The following TUBB1 variants were observed in gnomAD, a reference collection of about 807,000 sequenced individuals.
TUBB1 encodes tubulin beta-1 chain.
Under a neutral mutation model 22.6 loss-of-function variants are expected in TUBB1, and 28 were observed. The ratio of observed to expected loss-of-function variants is 1.24; its 90% CI spans 0.92 to 1.70. TUBB1 has a LOEUF of 1.70. TUBB1 is among the 40% of genes most tolerant of loss of function. The pLI, the probability that TUBB1 is intolerant of heterozygous loss-of-function variation, is 0.00. For missense variants in TUBB1, 577 were observed against 605.5 expected (o/e 0.95, Z 0.49); for synonymous variants, 226 against 238.0 (o/e 0.95, Z 0.46).
At chr20:59,023,083 G>T in intron 2 of TUBB1, 130 bp downstream of exon 2, 1 of 891,776 alleles carries the variant, frequency 1.1e-6, no homozygotes. Context: ...AGGCAGGGCA[G>T]CAGGATCCTA....
Position 59,024,853 on chromosome 20 carries a change from G to GCA in TUBB1, c.*72_*73dup. 1 of 1,450,186 alleles carries GCA rather than the reference G, an allele frequency of 6.9e-7. No homozygotes were observed. Among genetic ancestry groups the GCA allele is most frequent in the Admixed American group, 1.7e-5 (1 of 59,024 alleles). The allele number at this position is 1,450,186 out of a possible 1,614,324, so 89.8% of individuals were successfully genotyped here. A position where few individuals can be genotyped will look rare whatever the true frequency, so the allele number is the denominator to read the frequency against. On this transcript the variant is annotated 3_prime_UTR_variant, in exon 4 of 4. Coordinates refer to ENST00000217133, the MANE Select transcript of TUBB1 (RefSeq NM_030773.4). The surrounding 1 kb of genome is among the most constrained non-coding windows in gnomAD (Gnocchi z 4.9). Reference sequence around the variant, plus strand: ...TCATTAGATGAGTGTTTCTCCTGCAGCACTCCAAAACCCACTCTGCACTGC... The same window carrying GCA: ...TCATTAGATGAGTGTTTCTCCTGCAGCACACTCCAAAACCCACTCTGCACTGC...
At position 59,023,544 on chromosome 20, in the gene TUBB1, A is replaced by G; in HGVS notation, c.221A>G (p.Asp74Gly). 1.9e-6 allele frequency: 3 copies of G among 1,614,200 alleles called. No homozygotes were observed. The highest frequency in any genetic ancestry group is 2.2e-5 in the South Asian group (2 of 91,084). ...VLVDLEPGTM[D>G]SIRSSKLGAL... ...GTGGACCTAGAACCTGGGACGATGG[A>G]CAGCATTCGATCTAGCAAATTAGGA... The change falls in exon 3 of 4, where the codon GAC becomes GGC. Residue 74 changes from aspartate to glycine, a missense_variant. Asp to Gly is a moderately conservative substitution (Grantham distance 94). Transcript: ENST00000217133.
chr20:59,020,537 A>T (rs914876570), intron 1 of TUBB1, among the ~76,000 whole-genome samples: 1 of 152,178 alleles, frequency 6.6e-6, no homozygotes, highest in Non-Finnish European at 1.5e-5. Flanking sequence ...ATTTGTCTCA[A>T]AACAGCTTTT....
rs1436059354 is a variant in TUBB1, at chr20:59,024,784, C to T, written c.*1C>T. 6.2e-7 allele frequency: 1 copy of T among 1,613,778 alleles called. No individual in the cohort carries two copies. Among genetic ancestry groups the T allele is most frequent in the East Asian group, 2.2e-5 (1 of 44,872 alleles). On this transcript the variant is annotated 3_prime_UTR_variant, in exon 4 of 4. Transcript: ENST00000217133. This position sits in a 1 kb window ranked among gnomAD's most constrained non-coding sequence, Gnocchi z 4.9. ...GGAGCCAGAAGATAAGGGACATTAA[C>T]TGTGAGAGAAGCTGTGCCGCGGAGT...
chr20:59,024,471 C>G lies in TUBB1; in HGVS notation c.1044C>G (p.Asn348Lys), dbSNP rs759367873. ...SSCFVEWIPN[N>K]VKVAVCDIPP... ...GCTTTGTGGAGTGGATTCCCAACAA[C>G]GTCAAGGTGGCTGTCTGCGACATCC... is the stretch of plus-strand genomic sequence containing the variant. Residue 348 changes from asparagine (N) to lysine (K), a missense_variant, in exon 4 of 4, where the codon AAC becomes AAG. Asn to Lys is a moderately conservative substitution (Grantham distance 94, BLOSUM62 0). Coordinates refer to ENST00000217133, the MANE Select transcript of TUBB1 (RefSeq NM_030773.4). The surrounding 1 kb of genome is among the most constrained non-coding windows in gnomAD (Gnocchi z 4.9). 1 of 1,614,190 alleles carries G rather than the reference C, an allele frequency of 6.2e-7. No individual in the cohort carries two copies. The highest frequency in any genetic ancestry group is 1.3e-5 in the African/African-American group (1 of 75,050).
Position 59,024,674 on chromosome 20 carries a change from A to G in TUBB1, c.1247A>G (p.His416Arg). The change falls in exon 4 of 4, where the codon CAT becomes CGT. Residue 416 changes from histidine (H) to arginine (R), a missense_variant. By Grantham distance (29) the His-to-Arg change is conservative (BLOSUM62 0). Transcript: ENST00000217133. This position sits in a 1 kb window ranked among gnomAD's most constrained non-coding sequence, Gnocchi z 4.9. The part of the protein sequence containing the change: ...NEFGEAENNI[H>R]DLVSEYQQFQ... ...TTTGGGGAAGCTGAAAATAACATCC[A>G]TGATTTGGTATCCGAGTACCAACAA... 6.2e-7 allele frequency: 1 copy of G among 1,614,174 alleles called. No individual in the cohort carries two copies. The highest frequency in any genetic ancestry group is 8.5e-7 in the Non-Finnish European group (1 of 1,180,030).
Position 59,024,516 on chromosome 20 carries a change from G to A in TUBB1, c.1089G>A (p.Met363Ile), listed in dbSNP as rs1471145954. ...ACATCCCGCCCCGGGGGCTGAGCATGGCCGCCACCTTCATTGGCAACAACA... is the reference window on the plus strand; with the variant it reads ...ACATCCCGCCCCGGGGGCTGAGCATAGCCGCCACCTTCATTGGCAACAACA... Reference protein sequence around the residue: ...VCDIPPRGLSMAATFIGNNTA... With the variant: ...VCDIPPRGLSIAATFIGNNTA... The change falls in exon 4 of 4, where the codon ATG (methionine) becomes ATA (isoleucine). Residue 363 changes from methionine to isoleucine, a missense_variant. Transcript: ENST00000217133. The surrounding 1 kb of genome is among the most constrained non-coding windows in gnomAD (Gnocchi z 4.9). The A allele has an allele frequency of 1.2e-6, 2 of 1,614,080 alleles. No individual in the cohort carries two copies. Among genetic ancestry groups the A allele is most frequent in the African/African-American group, 2.7e-5 (2 of 74,926 alleles).
chr20:59,018,279 C>T (rs1411195480), upstream of TUBB1, among the ~76,000 whole-genome samples: 5 of 152,186 alleles, frequency 3.3e-5, no homozygotes, highest in Admixed American at 3.3e-4. Context: ...GTAATAAAGC[C>T]TAGGGCTGGC....
upstream of TUBB1, chr20:59,019,404 G>A (rs1317607279): frequency 3.4e-6 from 4 of 1,189,574 alleles, no homozygotes; most frequent in African/African-American, 4.5e-5. Context: ...TAGCTTGGTT[G>A]GCCAGTCCCA....
At chr20:59,021,711 C>T (rs2091967854) in intron 1 of TUBB1, among the ~76,000 whole-genome samples, 1 of 152,122 alleles carries the variant, frequency 6.6e-6, no homozygotes, top group Admixed American at 6.5e-5. Context: ...ATGCACATTA[C>T]TGGCCGGGCA....
rs1350393705 is a variant in TUBB1, at chr20:59,023,898, G to A, written c.471G>A (p.Glu157=). The part of the protein sequence containing the change: ...MGTLLMNKIR[E]EYPDRIMNSF... ...CTCTGCTCATGAACAAGATTAGAGAGGAGTACCCGGACCGGATCATGAATT... is the reference window on the plus strand; with the variant it reads ...CTCTGCTCATGAACAAGATTAGAGAAGAGTACCCGGACCGGATCATGAATT... The change falls in exon 4 of 4, where the codon GAG becomes GAA. Residue 157 remains glutamate, a synonymous_variant. Transcript: ENST00000217133. The A allele has an allele frequency of 1.9e-6, 3 of 1,614,174 alleles. No homozygotes were observed. Among genetic ancestry groups the A allele is most frequent in the South Asian group, 1.1e-5 (1 of 91,080 alleles).
Position 59,025,059 on chromosome 20 carries a change from G to A in TUBB1, c.*276G>A. On this transcript the variant is annotated 3_prime_UTR_variant, in exon 4 of 4. Transcript: ENST00000217133. ...AAATTTATTGTAAAGTGCTCCCTTTGTTTCAAAGTGTTTGCCAGGCATCCA... is the reference window on the plus strand; with the variant it reads ...AAATTTATTGTAAAGTGCTCCCTTTATTTCAAAGTGTTTGCCAGGCATCCA... 1 of 459,656 alleles carries A rather than the reference G, an allele frequency of 2.2e-6. No individual in the cohort carries two copies. Among genetic ancestry groups the A allele is most frequent in the South Asian group, 2.2e-5 (1 of 46,446 alleles). 28.5% of individuals were successfully genotyped at this position (459,656 alleles called of 1,614,324 possible).
rs415064 is a variant in TUBB1, at chr20:59,022,916, G to C, written c.129G>C (p.Gln43His). The C allele has an allele frequency of 0.058, 94,266 of 1,613,926 alleles. 3,428 individuals are homozygous for C. The highest frequency in any genetic ancestry group is 0.14 in the South Asian group (12,402 of 91,068). Residue 43 changes from glutamine to histidine, a missense_variant, in exon 2 of 4, where the codon CAG becomes CAC. Gln to His is a conservative substitution (Grantham distance 24). Coordinates refer to ENST00000217133, the MANE Select transcript of TUBB1 (RefSeq NM_030773.4). ...GCGACCGCGGGGCCTCGGCCTTGCA[G>C]CTGGAGAGAATCAGCGTGTACTACA... ...AGSDRGASAL[Q>H]LERISVYYNE...
At chr20:59,021,732 C>A (rs924137168) in intron 1 of TUBB1, among the ~76,000 whole-genome samples, 3 of 152,204 alleles carry the variant, frequency 2.0e-5, no homozygotes, top group African/African-American at 7.2e-5. Flanking sequence ...CAGTGGCTCA[C>A]GCCTGTGATC....
chr20:59,025,350 T>C lies in TUBB1; in HGVS notation c.*567T>C, dbSNP rs2091989236. On this transcript the variant is annotated 3_prime_UTR_variant, in exon 4 of 4. Coordinates refer to ENST00000217133, the MANE Select transcript of TUBB1 (RefSeq NM_030773.4). ...AGTCAACATCCACTAGAAATATCCA[T>C]GTTGTGTAGACCTGTGCATACAACA... is the stretch of plus-strand genomic sequence containing the variant. 5.6e-6 allele frequency: 1 copy of C among 179,184 alleles called. No individual in the cohort carries two copies. Among genetic ancestry groups the C allele is most frequent in the Non-Finnish European group, 1.2e-5 (1 of 82,220 alleles). 11.1% of individuals were successfully genotyped at this position (179,184 alleles called of 1,614,324 possible).
Position 59,023,592 on chromosome 20 carries a change from T to C in TUBB1, c.269T>C (p.Phe90Ser). The C allele has an allele frequency of 6.2e-7, 1 of 1,614,166 alleles. No homozygotes were observed. Among genetic ancestry groups the C allele is most frequent in the South Asian group, 1.1e-5 (1 of 91,070 alleles). The part of the protein sequence containing the change: ...KLGALFQPDS[F>S]VHGNSGAGNN... ...GGAGCTCTCTTTCAACCCGACAGTT[T>C]TGTCCATGGTATGTTTTTCCAGAAG... is the stretch of plus-strand genomic sequence containing the variant. Residue 90 changes from phenylalanine to serine, a missense_variant, in exon 3 of 4, where the codon TTT becomes TCT. Coordinates refer to ENST00000217133, the MANE Select transcript of TUBB1 (RefSeq NM_030773.4).
At position 59,024,380 on chromosome 20, in the gene TUBB1, G is replaced by A. The variant is rs370105172; in HGVS notation, c.953G>A (p.Arg318Gln). 1.9e-5 allele frequency: 30 copies of A among 1,613,966 alleles called. No homozygotes were observed. The highest frequency in any genetic ancestry group is 5.0e-5 in the Admixed American group (3 of 60,000). The change falls in exon 4 of 4, where the codon CGG (arginine) becomes CAG (glutamine). Residue 318 changes from arginine to glutamine, a missense_variant. Physicochemically the swap from Arg to Gln is conservative, Grantham distance 43 (BLOSUM62 1). Coordinates refer to ENST00000217133, the MANE Select transcript of TUBB1 (RefSeq NM_030773.4). This position sits in a 1 kb window ranked among gnomAD's most constrained non-coding sequence, Gnocchi z 4.9. ...GRYLTVACIFRGKMSTKEVDQ... is the reference protein window; with the variant it reads ...GRYLTVACIFQGKMSTKEVDQ... Reference sequence around the variant, plus strand: ...TACCTCACAGTGGCCTGCATTTTCCGGGGCAAGATGTCCACCAAGGAAGTG... The same window carrying A: ...TACCTCACAGTGGCCTGCATTTTCCAGGGCAAGATGTCCACCAAGGAAGTG...
intron 1 of TUBB1, among the ~76,000 whole-genome samples, chr20:59,022,020 C>CAAACA (rs2091969726): frequency 6.6e-6 from 1 of 151,212 alleles, no homozygotes; most frequent in African/African-American, 2.4e-5. Flanking sequence ...AACAAACAAA[C>CAAACA]AAACAAACAT....
At position 59,019,457 on chromosome 20, in the gene TUBB1, C is replaced by T; in HGVS notation, c.-66C>T. On this transcript the variant is annotated 5_prime_UTR_variant, in exon 1 of 4. Coordinates refer to ENST00000217133, the MANE Select transcript of TUBB1 (RefSeq NM_030773.4). ...GTTGTGTTGGGCTCACACCAGTGAACCGAAGCTCTGGATTCTGAGAGTCTG... is the reference window on the plus strand; with the variant it reads ...GTTGTGTTGGGCTCACACCAGTGAATCGAAGCTCTGGATTCTGAGAGTCTG... The T allele has an allele frequency of 3.1e-6, 5 of 1,590,760 alleles. No homozygotes were observed. The highest frequency in any genetic ancestry group is 2.2e-5 in the East Asian group (1 of 44,770).
Sources: allele counts gnomAD v4.1 joint callset (sites outside exome capture counted in the v4.1 genomes callset), GRCh38; gene constraint gnomAD v4.1.1; non-coding constraint Gnocchi (gnomAD v3.1); transcripts MANE v1.5; gene names NCBI Gene and HGNC (gene_info 2026-07-23, HGNC 2026-07-21).